Variants in TRMU observed in about 807,000 individuals in gnomAD.
TRMU encodes mitochondrial tRNA-specific 2-thiouridylase 1.
TRMU carries 49 observed loss-of-function variants against 46.9 expected under a neutral mutation model. The observed-to-expected ratio is 1.05, with a 90% CI of 0.83 to 1.33. The LOEUF is 1.33. Among genes scored for constraint, TRMU ranks in the 40% most tolerant of loss-of-function variants. The pLI is 0.00. For synonymous variants in TRMU, 241 were observed against 200.9 expected (o/e 1.20, Z -1.69); for missense variants, 572 against 532.4 (o/e 1.07, Z -0.73).
Position 46,336,117 on chromosome 22 carries a change from G to T in TRMU, c.82+271G>T. 1 of 1,345,788 alleles carries T rather than the reference G, an allele frequency of 7.4e-7. No individual in the cohort carries two copies. The highest frequency in any genetic ancestry group is 9.5e-7 in the Non-Finnish European group (1 of 1,049,730). The allele number at this position is 1,345,788 out of a possible 1,614,324, so 83.4% of individuals were successfully genotyped here. A position where few individuals can be genotyped will look rare whatever the true frequency, so the allele number is the denominator to read the frequency against. The stretch of plus-strand genomic sequence containing the variant: ...GCGCGCCCACCCACAGTGAGAAGCC[G>T]GCGGGCCGGGGTGGGGTGGGGAGGG... On this transcript the variant is annotated intron_variant, in intron 1 of 10. Transcript: ENST00000645190. The surrounding 1 kb of genome is among the most constrained non-coding windows in gnomAD (Gnocchi z 4.1).
At chr22:46,354,489 TC>T (rs1201356429) in intron 8 of TRMU, 1 of 154,928 alleles carries the variant, frequency 6.5e-6, no homozygotes, top group Admixed American at 6.3e-5. Flanking sequence ...CACAGCCTCT[TC>T]CCTGAGTGAC....
rs1298393106 is a variant in TRMU at position 46,350,819 on chromosome 22, G to C, written c.651+356G>C. ...CGAGACCCCTGGAGGGGCAGGTGCT[G>C]TGCCGCCGTCTGCACACTCATGTGC... On this transcript the variant is annotated intron_variant, in intron 5 of 10. Coordinates refer to ENST00000645190, the MANE Select transcript of TRMU (RefSeq NM_018006.5). The surrounding 1 kb of genome is among the most constrained non-coding windows in gnomAD (Gnocchi z 4.6). 1.3e-5 allele frequency among the ~76,000 whole-genome samples: 2 copies of C among 152,204 alleles called. No individual in the cohort carries two copies. Among genetic ancestry groups the C allele is most frequent in the African/African-American group, 4.8e-5 (2 of 41,442 alleles).
intron 10 of TRMU, 151 bp downstream of exon 10, chr22:46,356,223 C>T: frequency 1.3e-6 from 1 of 755,344 alleles, no homozygotes; most frequent in East Asian, 2.7e-5. Context: ...CAGCCCTGCC[C>T]TGGGGGCTCC....
Position 46,351,984 on chromosome 22 carries a change from T to C in TRMU, c.652-137T>C. 3 of 927,644 alleles carry C rather than the reference T, an allele frequency of 3.2e-6. No homozygotes were observed. Among genetic ancestry groups the C allele is most frequent in the Non-Finnish European group, 5.3e-6 (3 of 566,622 alleles). 57.5% of individuals were successfully genotyped at this position (927,644 alleles called of 1,614,324 possible). Reference sequence around the variant, plus strand: ...TGTGACTGGCGGCCGAGGGTGCCGGTGGGCAGCCGGGCCCCTACCCTGGAA... The same window carrying C: ...TGTGACTGGCGGCCGAGGGTGCCGGCGGGCAGCCGGGCCCCTACCCTGGAA... On this transcript the variant is annotated intron_variant, in intron 5 of 10. Coordinates refer to ENST00000645190, the MANE Select transcript of TRMU (RefSeq NM_018006.5). The surrounding 1 kb of genome is among the most constrained non-coding windows in gnomAD (Gnocchi z 6.4).
rs148551745 is a variant in TRMU at position 46,355,903 on chromosome 22, G to A, written c.1019-87G>A. On this transcript the variant is annotated intron_variant, in intron 9 of 10. Transcript: ENST00000645190. ...CCTCTAAGCAGGGGTTTTTGACCCC[G>A]TGGGCTGGTGCTCCTTTCTCCCTGG... The A allele has an allele frequency of 4.1e-4, 597 of 1,472,578 alleles. 5 individuals are homozygous for A. In the African/African-American group the frequency reaches 8.3e-3, roughly 21 times the overall value. 91.2% of individuals were successfully genotyped at this position (1,472,578 alleles called of 1,614,324 possible).
intron 7 of TRMU, 44 bp downstream of exon 7, chr22:46,352,374 C>G: frequency 6.2e-7 from 1 of 1,604,450 alleles, no homozygotes; most frequent in Middle Eastern, 1.7e-4. Flanking sequence ...ATGCCTAGAG[C>G]TGTGGCGTTT....
Position 46,347,325 on chromosome 22 carries a change from TACAC to T in TRMU, c.478+785_478+788del. 6.6e-6 allele frequency: 1 copy of T among 152,258 alleles called. No homozygotes were observed. The highest frequency in any genetic ancestry group is 1.9e-4 in the East Asian group (1 of 5,180). The allele number at this position is 152,258 out of a possible 1,614,324, so 9.4% of individuals were successfully genotyped here. A position where few individuals can be genotyped will look rare whatever the true frequency, so the allele number is the denominator to read the frequency against. ...TCTGGGGCTGGGGCAGGGCTTTACA[TACAC>T]ACATTTCTTTTTTAATTATTATTAT... On this transcript the variant is annotated intron_variant, in intron 4 of 10. Transcript: ENST00000645190. This position sits in a 1 kb window ranked among gnomAD's most constrained non-coding sequence, Gnocchi z 5.0.
chr22:46,344,145 G>C (rs1428097740), intron 3 of TRMU, among the ~76,000 whole-genome samples: 1 of 152,186 alleles, frequency 6.6e-6, no homozygotes, highest in East Asian at 1.9e-4. Context: ...ATTCTCCTAG[G>C]ACAAGATTGG....
chr22:46,357,216 G>C lies in TRMU; in HGVS notation c.*210G>C, dbSNP rs141551983. 4.2e-3 allele frequency: 2,832 copies of C among 675,668 alleles called. 44 individuals are homozygous for C. The highest frequency in any genetic ancestry group is 0.04 in the African/African-American group (2,228 of 55,384). The allele number at this position is 675,668 out of a possible 1,614,324, so 41.9% of individuals were successfully genotyped here. A position where few individuals can be genotyped will look rare whatever the true frequency, so the allele number is the denominator to read the frequency against. On this transcript the variant is annotated 3_prime_UTR_variant, in exon 11 of 11. Coordinates refer to ENST00000645190, the MANE Select transcript of TRMU (RefSeq NM_018006.5). ...GCTCTGGCTGCTGGAGCATCTGCTG[G>C]CTGGTGGGGTGGCCCGAGTTCCCCT...
At position 46,337,776 on chromosome 22, in the gene TRMU, C is replaced by A. The variant is rs1366686696; in HGVS notation, c.83-3C>A. On this transcript the variant is annotated splice_polypyrimidine_tract_variant and splice_region_variant and intron_variant, in intron 1 of 10. Transcript: ENST00000645190. ...TCTCTTTAATTGACCTTCCCGCCCG[C>A]AGGTTACCAGGTGACAGGGGTGTTT... 1.2e-6 allele frequency: 2 copies of A among 1,614,084 alleles called. No individual in the cohort carries two copies. Among genetic ancestry groups the A allele is most frequent in the Non-Finnish European group, 1.7e-6 (2 of 1,180,030 alleles).
intron 10 of TRMU, 22 bp downstream of exon 10, chr22:46,356,094 G>A: frequency 6.2e-7 from 1 of 1,613,404 alleles, no homozygotes; most frequent in Non-Finnish European, 8.5e-7. Context: ...GTGGGGGTGA[G>A]CCCGGGGAGG....
At chr22:46,355,931 G>C in intron 9 of TRMU, 59 bp from the exon 10 acceptor site, 5 of 1,589,124 alleles carry the variant, frequency 3.1e-6, no homozygotes. Flanking sequence ...CTCCCTGGGG[G>C]CCTGAGGTCG....
In TRMU at chr22:46,337,846, C is replaced by T. The variant is rs150076605; in HGVS notation, c.150C>T (p.Ala50=). The T allele has an allele frequency of 3.6e-5, 58 of 1,614,068 alleles. No individual in the cohort carries two copies. The highest frequency in any genetic ancestry group is 4.5e-5 in the Non-Finnish European group (53 of 1,180,040). The stretch of plus-strand genomic sequence containing the variant: ...TGGATGAACATGGGGTCTGTACTGC[C>T]GACAAAGACTGTGAAGATGCTTACA... The part of the protein sequence containing the change: ...DSLDEHGVCT[A]DKDCEDAYRV... The change falls in exon 2 of 11, where the codon GCC becomes GCT. Residue 50 remains alanine (A), a synonymous_variant. Transcript: ENST00000645190.
chr22:46,350,346 C>T lies in TRMU; in HGVS notation c.534C>T (p.Ser178=), dbSNP rs1314026039. ...TTAAAGACCAGACCTTCTTTCTCAG[C>T]CAGGTTTCCCAGGATGCCCTGAGGA... ...DSFKDQTFFL[S]QVSQDALRRT... is the part of the protein sequence containing the mutation. The change falls in exon 5 of 11, where the codon AGC becomes AGT. Residue 178 remains serine (S), a synonymous_variant. Transcript: ENST00000645190. This position sits in a 1 kb window ranked among gnomAD's most constrained non-coding sequence, Gnocchi z 4.6. 1.2e-6 allele frequency: 2 copies of T among 1,614,234 alleles called. No individual in the cohort carries two copies. Among genetic ancestry groups the T allele is most frequent in the East Asian group, 2.2e-5 (1 of 44,888 alleles).
Position 46,355,429 on chromosome 22 carries a change from C to T in TRMU, c.874-15C>T. ...GTGCCCCTCGGCGTCCCCACCTTCA[C>T]ATTCCATTCTGCAGGCCCCCCGGAC... On this transcript the variant is annotated splice_polypyrimidine_tract_variant and intron_variant, in intron 8 of 10. Coordinates refer to ENST00000645190, the MANE Select transcript of TRMU (RefSeq NM_018006.5). 2.5e-6 allele frequency: 4 copies of T among 1,612,462 alleles called. No individual in the cohort carries two copies. The highest frequency in any genetic ancestry group is 1.7e-4 in the Middle Eastern group (1 of 5,986).
At position 46,342,488 on chromosome 22, in the gene TRMU, TC is replaced by T. The variant is rs1454507985; in HGVS notation, c.249-769del. ...GAGGCTTCATGACATCGCCATTCCT[TC>T]CCCCAGGATATACAGTGGGACTGTG... On this transcript the variant is annotated intron_variant, in intron 2 of 10. Coordinates refer to ENST00000645190, the MANE Select transcript of TRMU (RefSeq NM_018006.5). This position sits in a 1 kb window ranked among gnomAD's most constrained non-coding sequence, Gnocchi z 4.7. Among the ~76,000 whole-genome samples the T allele has an allele frequency of 2.0e-5, 3 of 151,984 alleles. No individual in the cohort carries two copies. Among genetic ancestry groups the T allele is most frequent in the Admixed American group, 2.0e-4 (3 of 15,258 alleles).
At position 46,351,981 on chromosome 22, in the gene TRMU, C is replaced by T. The variant is rs975312143; in HGVS notation, c.652-140C>T. On this transcript the variant is annotated intron_variant, in intron 5 of 10. Coordinates refer to ENST00000645190, the MANE Select transcript of TRMU (RefSeq NM_018006.5). The surrounding 1 kb of genome is among the most constrained non-coding windows in gnomAD (Gnocchi z 6.4). ...GGCTGTGACTGGCGGCCGAGGGTGC[C>T]GGTGGGCAGCCGGGCCCCTACCCTG... 18 of 904,892 alleles carry T rather than the reference C, an allele frequency of 2.0e-5. No homozygotes were observed. The highest frequency in any genetic ancestry group is 3.2e-4 in the Middle Eastern group (1 of 3,108). The allele number at this position is 904,892 out of a possible 1,614,324, so 56.1% of individuals were successfully genotyped here.
Position 46,355,574 on chromosome 22 carries a change from A to T in TRMU, c.1004A>T (p.His335Leu), listed in dbSNP as rs753962338. 3.1e-6 allele frequency: 5 copies of T among 1,613,352 alleles called. No individual in the cohort carries two copies. The South Asian group carries it at 4.4e-5, about 14-fold the overall frequency. ...KMMECHFRFR[H>L]QMALVPCVLT... ...ATGGAGTGCCACTTCCGATTCCGCC[A>T]CCAGATGGCACTAGGTGACTGACGG... Residue 335 changes from histidine (H) to leucine (L), a missense_variant, in exon 9 of 11, where the codon CAC becomes CTC. By Grantham distance (99) the His-to-Leu change is moderately conservative (BLOSUM62 -3). Coordinates refer to ENST00000645190, the MANE Select transcript of TRMU (RefSeq NM_018006.5).
Position 46,351,750 on chromosome 22 carries a change from C to G in TRMU, c.652-371C>G, listed in dbSNP as rs1219111188. 4 of 382,250 alleles carry G rather than the reference C, an allele frequency of 1.0e-5. No individual in the cohort carries two copies. Among genetic ancestry groups the G allele is most frequent in the South Asian group, 2.2e-5 (1 of 45,978 alleles). 23.7% of individuals were successfully genotyped at this position (382,250 alleles called of 1,614,324 possible). ...CTCCCCTGGAGCCCTCCCCTAAGGC[C>G]TTAGCTTCAGGCCTGGCTTTCCTGC... On this transcript the variant is annotated intron_variant, in intron 5 of 10. Transcript: ENST00000645190. The surrounding 1 kb of genome is among the most constrained non-coding windows in gnomAD (Gnocchi z 6.4).
Sources: gnomAD v4.1 joint callset for allele counts (sites outside exome capture counted in the v4.1 genomes callset) on GRCh38, gnomAD v4.1.1 for gene constraint, Gnocchi (gnomAD v3.1) non-coding constraint, MANE v1.5 for transcripts, NCBI Gene and HGNC (gene_info 2026-07-23, HGNC 2026-07-21) for gene names.